Variants in ZNF385B observed in about 807,000 individuals in gnomAD.
ZNF385B encodes zinc finger protein 385B.
A neutral mutation model predicts 39.2 loss-of-function variants in ZNF385B; 23 were observed. The observed-to-expected ratio is 0.59, with a 90% CI of 0.42 to 0.83. The LOEUF (loss-of-function observed/expected upper bound fraction) is 0.83, where lower values mean the gene tolerates loss of function less well. Ranked by LOEUF, ZNF385B falls within the 40% of genes least tolerant of loss-of-function variation. ZNF385B has a pLI of 0.00. For synonymous variants in ZNF385B, 205 were observed against 222.6 expected, an observed-to-expected ratio of 0.92 and a Z score of 0.70; for missense variants, 552 against 598.9, an observed-to-expected ratio of 0.92 and a Z score of 0.82.
intron 3 of ZNF385B, among the ~76,000 whole-genome samples, chr2:179,703,455 T>C (rs1185321079): frequency 6.6e-6 from 1 of 152,212 alleles, no homozygotes; most frequent in African/African-American, 2.4e-5. Flanking sequence ...ACATAGTATA[T>C]ATGTCATTTA....
intron 1 of ZNF385B, among the ~76,000 whole-genome samples, chr2:179,854,966 G>A (rs115440970): frequency 9.2e-4 from 140 of 152,122 alleles, no homozygotes; most frequent in African/African-American, 3.1e-3. Flanking sequence ...ATGAAAAACT[G>A]TACTCATCTA....
At chr2:179,676,456 C>G (rs1171869685) in intron 3 of ZNF385B, among the ~76,000 whole-genome samples, 2 of 152,092 alleles carry the variant, frequency 1.3e-5, no homozygotes, top group Non-Finnish European at 2.9e-5. Flanking sequence ...GATCTCCTGA[C>G]CTCGTAATCT....
chr2:179,629,232 G>C (rs1515276), intron 3 of ZNF385B, among the ~76,000 whole-genome samples: 1 of 151,924 alleles, frequency 6.6e-6, no homozygotes, highest in African/African-American at 2.4e-5. Flanking sequence ...GAAATTCTCA[G>C]CCAGAACAGG....
intron 4 of ZNF385B, among the ~76,000 whole-genome samples, chr2:179,525,094 A>G (rs939543819): frequency 9.2e-5 from 14 of 152,144 alleles, no homozygotes; most frequent in African/African-American, 3.1e-4. Context: ...CCTCAAGTTC[A>G]TAGGTCGGCA....
chr2:179,551,085 A>G, intron 3 of ZNF385B, among the ~76,000 whole-genome samples: 1 of 152,024 alleles, frequency 6.6e-6, no homozygotes, highest in Non-Finnish European at 1.5e-5. Context: ...GACACCTCCT[A>G]TTTGTAGTTC....
intron 6 of ZNF385B, among the ~76,000 whole-genome samples, chr2:179,452,019 T>C (rs1028189326): frequency 2.6e-5 from 4 of 152,172 alleles, no homozygotes; most frequent in Admixed American, 1.3e-4. Flanking sequence ...TAGCAGGTTT[T>C]CTGACTGTCC....
rs922254781 is a variant in ZNF385B at position 179,516,786 on chromosome 2, C to T, written c.552+1742G>A. Among the ~76,000 whole-genome samples, 4 of 152,044 alleles carry T rather than the reference C, an allele frequency of 2.6e-5. No individual in the cohort carries two copies. In the South Asian group the frequency reaches 8.3e-4, roughly 31 times the overall value. Reference sequence around the variant, plus strand: ...ATAAAGTCCAATATATCAATATTCACACTTCTTTATTTTCTAAGAAATCTT... The same window carrying T: ...ATAAAGTCCAATATATCAATATTCATACTTCTTTATTTTCTAAGAAATCTT... On this transcript the variant is annotated intron_variant, in intron 5 of 9. Transcript: ENST00000410066.
intron 5 of ZNF385B, among the ~76,000 whole-genome samples, chr2:179,498,469 T>C (rs2056450034): frequency 6.6e-6 from 1 of 151,834 alleles, no homozygotes; most frequent in African/African-American, 2.4e-5. Context: ...ATCAAAAAAA[T>C]GAAATAATTT....
At chr2:179,595,754 C>T (rs1264156143) in intron 3 of ZNF385B, among the ~76,000 whole-genome samples, 1 of 151,218 alleles carries the variant, frequency 6.6e-6, no homozygotes, top group African/African-American at 2.4e-5. Context: ...GTGCAACCCA[C>T]CCCCAAGTAG....
chr2:179,859,462 C>T (rs6756801), intron 1 of ZNF385B, among the ~76,000 whole-genome samples: 13,439 of 152,088 alleles, frequency 0.088, 778 homozygotes, highest in African/African-American at 0.15. Context: ...ACATAAGAAA[C>T]TATGCTGCAA....
chr2:179,528,360 C>T (rs1014252732), intron 4 of ZNF385B, among the ~76,000 whole-genome samples: 1 of 152,204 alleles, frequency 6.6e-6, no homozygotes, highest in African/African-American at 2.4e-5. Flanking sequence ...AGACACCTTT[C>T]ATCTGGAGAC....
At chr2:179,817,874 C>T (rs775913554) in intron 1 of ZNF385B, among the ~76,000 whole-genome samples, 13 of 152,096 alleles carry the variant, frequency 8.5e-5, no homozygotes, top group East Asian at 3.9e-4. Context: ...CATGCGCATA[C>T]GCAATTTTCC....
intron 3 of ZNF385B, among the ~76,000 whole-genome samples, chr2:179,581,938 C>T (rs1321088927): frequency 2.6e-5 from 4 of 152,154 alleles, no homozygotes; most frequent in Non-Finnish European, 5.9e-5. Flanking sequence ...TTAGGTGAGA[C>T]AGAAACAAGC....
intron 3 of ZNF385B, among the ~76,000 whole-genome samples, chr2:179,567,294 T>C (rs1489306382): frequency 6.6e-6 from 1 of 152,160 alleles, no homozygotes; most frequent in African/African-American, 2.4e-5. Context: ...AGTTTACTTA[T>C]TTAAAGCAGC....
intron 4 of ZNF385B, among the ~76,000 whole-genome samples, chr2:179,537,232 G>T (rs1456493038): frequency 6.6e-6 from 1 of 151,292 alleles, no homozygotes; most frequent in Non-Finnish European, 1.5e-5. Flanking sequence ...AACCTGGGAG[G>T]TGGAGGTTGC....
At chr2:179,760,490 T>C (rs1488703319) in intron 3 of ZNF385B, among the ~76,000 whole-genome samples, 2 of 152,178 alleles carry the variant, frequency 1.3e-5, no homozygotes, top group Admixed American at 6.5e-5. Context: ...TCCATCCAAG[T>C]TGTTGCATGT....
intron 4 of ZNF385B, among the ~76,000 whole-genome samples, chr2:179,521,624 A>G (rs955898926): frequency 3.9e-5 from 6 of 152,116 alleles, no homozygotes; most frequent in African/African-American, 1.4e-4. Flanking sequence ...CACTCCAAAT[A>G]GAAAGGTAGG....
intron 3 of ZNF385B, among the ~76,000 whole-genome samples, chr2:179,610,694 A>G (rs1689218479): frequency 6.6e-6 from 1 of 152,140 alleles, no homozygotes; most frequent in South Asian, 2.1e-4. Flanking sequence ...AACATGAAAT[A>G]TCTTTCCCTG....
intron 1 of ZNF385B, among the ~76,000 whole-genome samples, chr2:179,785,047 TATA>T (rs1435083828): frequency 1.3e-5 from 2 of 152,006 alleles, no homozygotes; most frequent in African/African-American, 4.8e-5. Context: ...CCAGACATAA[TATA>T]ATGTATTTAC....
Sources: allele counts gnomAD v4.1 joint callset (sites outside exome capture counted in the v4.1 genomes callset), GRCh38; gene constraint gnomAD v4.1.1; transcripts MANE v1.5; gene names NCBI Gene and HGNC (gene_info 2026-07-23, HGNC 2026-07-21).